Variants in WDR11 observed in about 807,000 individuals in gnomAD.
The protein encoded by WDR11 is WD repeat domain 11, also known as WD repeat-containing protein 11.
In WDR11, 83 loss-of-function variants were observed where a neutral mutation model predicts 151.2. That is an observed-to-expected ratio of 0.55 (90% CI 0.46 to 0.66). The LOEUF is 0.66. Among genes scored for constraint, WDR11 ranks in the 30% least tolerant of loss-of-function variants. The probability of loss-of-function intolerance (pLI) is 0.00; values close to 1 mark genes in which losing one functional copy is unlikely to be tolerated. For missense variants in WDR11, 1,301 were observed against 1,480.9 expected, an observed-to-expected ratio of 0.88 and a Z score of 1.99; for synonymous variants, 484 against 533.1, an observed-to-expected ratio of 0.91 and a Z score of 1.27.
At chr10:120,874,069 A>G (rs372792463) in intron 11 of WDR11, 146 bp downstream of exon 11, 23 of 642,552 alleles carry the variant, frequency 3.6e-5, no homozygotes, top group Admixed American at 6.7e-5. Context: ...ACTAATGGCT[A>G]TGTTAATCAA....
At chr10:120,901,996 T>G (rs1284225001) in intron 21 of WDR11, among the ~76,000 whole-genome samples, 1 of 152,212 alleles carries the variant, frequency 6.6e-6, no homozygotes, top group Non-Finnish European at 1.5e-5. Flanking sequence ...CAAAAACTGT[T>G]GTAAGCCTAT....
rs555990450 is a variant in WDR11 at position 120,906,510 on chromosome 10, G to A, written c.3438-266G>A. ...TGTCAACTCTGGACAGGGGTACATG[G>A]GCACTTGTCATATCTCTGTAGATTT... On this transcript the variant is annotated intron_variant, in intron 27 of 28. Coordinates refer to ENST00000263461, the MANE Select transcript of WDR11 (RefSeq NM_018117.12). 114 of 1,336,232 alleles carry A rather than the reference G, an allele frequency of 8.5e-5. No homozygotes were observed. In the African/African-American group the frequency reaches 1.5e-3, roughly 18 times the overall value. 82.8% of individuals were successfully genotyped at this position (1,336,232 alleles called of 1,614,324 possible).
At chr10:120,889,593 G>T (rs891742687) in intron 17 of WDR11, 1 of 443,268 alleles carries the variant, frequency 2.3e-6, no homozygotes, top group Non-Finnish European at 4.2e-6. Context: ...TGGCAAGAAG[G>T]ATCAGTAAAC....
chr10:120,852,306 CT>C (rs1257626511), intron 1 of WDR11: 2 of 515,790 alleles, frequency 3.9e-6, no homozygotes, highest in Non-Finnish European at 7.0e-6. Context: ...TCTTTTAGAA[CT>C]TTTTTTATCC....
At chr10:120,878,294 A>G (rs998387158) in intron 11 of WDR11, 59 bp from the exon 12 acceptor site, 2 of 1,358,306 alleles carry the variant, frequency 1.5e-6, no homozygotes, top group Non-Finnish European at 1.0e-6. Context: ...TTTCAAATAA[A>G]TGAACCTTTC....
Position 120,880,844 on chromosome 10 carries a change from G to A in WDR11, c.1682G>A (p.Arg561His), listed in dbSNP as rs1846978217. ...DLPTGRSIAFRGERGNDESAI... is the reference protein window; with the variant it reads ...DLPTGRSIAFHGERGNDESAI... ...ATTAAAGGTAGGAGCATTGCTTTTC[G>A]TGGTGAAAGAGGCAATGATGAATCT... Residue 561 changes from arginine (R) to histidine (H), a missense_variant, in exon 13 of 29, where the codon CGT (arginine) becomes CAT (histidine). Coordinates refer to ENST00000263461, the MANE Select transcript of WDR11 (RefSeq NM_018117.12). The A allele has an allele frequency of 6.2e-7, 1 of 1,605,174 alleles. No homozygotes were observed. The highest frequency in any genetic ancestry group is 8.5e-7 in the Non-Finnish European group (1 of 1,174,506).
chr10:120,860,655 C>A (rs1400336619), intron 4 of WDR11, among the ~76,000 whole-genome samples: 1 of 152,130 alleles, frequency 6.6e-6, no homozygotes, highest in Non-Finnish European at 1.5e-5. Flanking sequence ...TAAGTTCTTG[C>A]TTTTTAATAA....
chr10:120,852,622 C>T lies in WDR11; in HGVS notation c.185C>T (p.Ala62Val). 6.2e-7 allele frequency: 1 copy of T among 1,613,728 alleles called. No individual in the cohort carries two copies. The highest frequency in any genetic ancestry group is 8.5e-7 in the Non-Finnish European group (1 of 1,179,780). Residue 62 changes from alanine (A) to valine (V), a missense_variant, in exon 2 of 29, where the codon GCT becomes GTT. Ala to Val is a moderately conservative substitution (Grantham distance 64, BLOSUM62 0). Coordinates refer to ENST00000263461, the MANE Select transcript of WDR11 (RefSeq NM_018117.12). ...CTTCAAGTTTTAGAAAAGCATAAAG[C>T]TGATGTTGTAAAGGTAAGTAAAATC... ...QTLQVLEKHK[A>V]DVVKVKWARE... is the part of the protein sequence containing the mutation.
intron 13 of WDR11, among the ~76,000 whole-genome samples, chr10:120,883,032 C>G (rs12777821): frequency 0.051 from 7,697 of 152,142 alleles, 281 homozygotes; most frequent in Non-Finnish European, 0.076. Context: ...ACATTATAAT[C>G]TTTAAAAATT....
chr10:120,873,056 T>C (rs962101555), intron 10 of WDR11, among the ~76,000 whole-genome samples: 1 of 152,208 alleles, frequency 6.6e-6, no homozygotes, highest in Non-Finnish European at 1.5e-5. Flanking sequence ...TATGTCCGTG[T>C]CCTTTACATT....
At chr10:120,878,606 C>T (rs944414803) in intron 12 of WDR11, 147 bp downstream of exon 12, 1 of 651,670 alleles carries the variant, frequency 1.5e-6, no homozygotes, top group African/African-American at 1.8e-5. Flanking sequence ...CTAATAATTG[C>T]CCTAGAAAGG....
At chr10:120,899,551 G>C (rs1847736275) in intron 19 of WDR11, among the ~76,000 whole-genome samples, 1 of 152,140 alleles carries the variant, frequency 6.6e-6, no homozygotes, top group African/African-American at 2.4e-5. Flanking sequence ...GGGAGGCCAA[G>C]GTGGGCAGAT....
At position 120,906,500 on chromosome 10, in the gene WDR11, G is replaced by A. The variant is rs1848051503; in HGVS notation, c.3438-276G>A. ...AAAGATTACTTGTCAACTCTGGACA[G>A]GGGTACATGGGCACTTGTCATATCT... is the stretch of plus-strand genomic sequence containing the variant. On this transcript the variant is annotated intron_variant, in intron 27 of 28. Coordinates refer to ENST00000263461, the MANE Select transcript of WDR11 (RefSeq NM_018117.12). 2.3e-6 allele frequency: 3 copies of A among 1,323,118 alleles called. No individual in the cohort carries two copies. The East Asian group carries it at 1.0e-4, about 45-fold the overall frequency. The allele number at this position is 1,323,118 out of a possible 1,614,324, so 82.0% of individuals were successfully genotyped here. A position where few individuals can be genotyped will look rare whatever the true frequency, so the allele number is the denominator to read the frequency against.
rs531102332 is a variant in WDR11 at position 120,851,637 on chromosome 10, G to A, written c.86+131G>A. 9.2e-5 allele frequency: 102 copies of A among 1,109,508 alleles called. 1 individual carries two copies. The South Asian group carries it at 1.3e-3, about 14-fold the overall frequency. 68.7% of individuals were successfully genotyped at this position (1,109,508 alleles called of 1,614,324 possible). ...GCAGGGAGCCGCCCTCACGCAATGA[G>A]CTTGCTTTCAGTTGGTGGATTTTTG... On this transcript the variant is annotated intron_variant, in intron 1 of 28. Coordinates refer to ENST00000263461, the MANE Select transcript of WDR11 (RefSeq NM_018117.12).
chr10:120,866,027 T>G (rs75648396), intron 7 of WDR11, among the ~76,000 whole-genome samples: 1 of 152,030 alleles, frequency 6.6e-6, no homozygotes, highest in South Asian at 2.1e-4. Flanking sequence ...TTTTTTTTTT[T>G]CAGTACAAGT....
At chr10:120,858,071 G>T (rs1002070454) in intron 2 of WDR11, among the ~76,000 whole-genome samples, 1 of 152,030 alleles carries the variant, frequency 6.6e-6, no homozygotes, top group Non-Finnish European at 1.5e-5. Context: ...ATTTGCCCTG[G>T]AGTTCATGTG....
At position 120,891,576 on chromosome 10, in the gene WDR11, G is replaced by A. The variant is rs189432699; in HGVS notation, c.2515+689G>A. Among the ~76,000 whole-genome samples the A allele has an allele frequency of 3.2e-3, 488 of 152,270 alleles. 2 individuals are homozygous for A. The highest frequency in any genetic ancestry group is 0.011 in the African/African-American group (465 of 41,544). ...CTTGGAAGATACTTGATCCTACTTG[G>A]AGTGGAGGAGGGAACTTCTTGCCTG... On this transcript the variant is annotated intron_variant, in intron 19 of 28. Coordinates refer to ENST00000263461, the MANE Select transcript of WDR11 (RefSeq NM_018117.12).
At chr10:120,852,483 C>T in intron 1 of WDR11, 41 bp from the exon 2 acceptor site, 1 of 1,560,294 alleles carries the variant, frequency 6.4e-7, no homozygotes, top group Middle Eastern at 1.7e-4. Context: ...AGTCGTCCTG[C>T]TTTGTTCTGT....
At chr10:120,869,441 T>C (rs1846447207) in intron 9 of WDR11, among the ~76,000 whole-genome samples, 2 of 152,162 alleles carry the variant, frequency 1.3e-5, no homozygotes, top group African/African-American at 4.8e-5. Context: ...GACAAATGGA[T>C]ACGGATTGTA....
Sources: gnomAD v4.1 joint callset for allele counts (sites outside exome capture counted in the v4.1 genomes callset) on GRCh38, gnomAD v4.1.1 for gene constraint, MANE v1.5 for transcripts, NCBI Gene and HGNC (gene_info 2026-07-23, HGNC 2026-07-21) for gene names.